COL25A1: variants seen among roughly 807,000 people sequenced by gnomAD.
The protein encoded by COL25A1 is collagen alpha-1(XXV) chain.
Under a neutral mutation model 128.4 loss-of-function variants are expected in COL25A1, and 103 were observed. The observed-to-expected ratio is 0.80, with a 90% CI of 0.68 to 0.94. The LOEUF (loss-of-function observed/expected upper bound fraction) is 0.94, where lower values mean the gene tolerates loss of function less well. Among genes scored for constraint, COL25A1 ranks in the 40% least tolerant of loss-of-function variants. The pLI is 0.00. For missense variants in COL25A1, 745 were observed against 840.0 expected (o/e 0.89, Z 1.40); for synonymous variants, 279 against 277.2 (o/e 1.01, Z -0.06).
At chr4:108,862,694 G>T in intron 21 of COL25A1, 149 bp from the exon 22 acceptor site, 1 of 665,304 alleles carries the variant, frequency 1.5e-6, no homozygotes, top group Non-Finnish European at 2.6e-6. Context: ...CAGAATGTCG[G>T]TTATTATAAT....
At chr4:109,071,342 C>T (rs900204888) in intron 3 of COL25A1, among the ~76,000 whole-genome samples, 1 of 152,086 alleles carries the variant, frequency 6.6e-6, no homozygotes, top group Non-Finnish European at 1.5e-5. Flanking sequence ...ACCATAAAAA[C>T]CCTAGAAGAA....
At chr4:109,206,454 T>C (rs1777005464) in intron 3 of COL25A1, among the ~76,000 whole-genome samples, 2 of 152,098 alleles carry the variant, frequency 1.3e-5, no homozygotes, top group African/African-American at 4.8e-5. Context: ...CCACCTTAAA[T>C]CCAAGAAGGT....
In COL25A1 at chr4:109,101,221, C is replaced by T. The variant is rs144760150; in HGVS notation, c.368-51042G>A. ...AGTAAAAAAGAACCACAAGACTCAA[C>T]GTGTTTCACCAAATACTGTGTGATT... On this transcript the variant is annotated intron_variant, in intron 3 of 37. Transcript: ENST00000399132. Among the ~76,000 whole-genome samples, 5 of 152,270 alleles carry T rather than the reference C, an allele frequency of 3.3e-5. No individual in the cohort carries two copies. The East Asian group carries it at 5.8e-4, about 18-fold the overall frequency.
At position 109,227,179 on chromosome 4, in the gene COL25A1, A is replaced by T. The variant is rs575962986; in HGVS notation, c.367+73404T>A. 2.4e-4 allele frequency among the ~76,000 whole-genome samples: 37 copies of T among 152,290 alleles called. 1 individual carries two copies. Among genetic ancestry groups the T allele is most frequent in the African/African-American group, 8.2e-4 (34 of 41,564 alleles). On this transcript the variant is annotated intron_variant, in intron 3 of 37. Coordinates refer to ENST00000399132, the MANE Select transcript of COL25A1 (RefSeq NM_198721.4). Reference sequence around the variant, plus strand: ...TTCTTCGTTTTTTGAGGAGGCTTCAATGTTTTTATATACAAATACAATTCT... The same window carrying T: ...TTCTTCGTTTTTTGAGGAGGCTTCATTGTTTTTATATACAAATACAATTCT...
At chr4:109,297,187 T>A (rs182489299) in intron 3 of COL25A1, among the ~76,000 whole-genome samples, 2 of 152,246 alleles carry the variant, frequency 1.3e-5, no homozygotes, top group East Asian at 3.9e-4. Context: ...TCTGACTGCA[T>A]GAAAGAAATA....
chr4:109,193,368 T>C (rs144627910), intron 3 of COL25A1, among the ~76,000 whole-genome samples: 14 of 152,218 alleles, frequency 9.2e-5, no homozygotes, highest in African/African-American at 3.4e-4. Context: ...TAATTGTTAG[T>C]GTGGGAATAC....
At chr4:109,147,362 G>A (rs1371616597) in intron 3 of COL25A1, among the ~76,000 whole-genome samples, 1 of 152,194 alleles carries the variant, frequency 6.6e-6, no homozygotes. Context: ...CTCACCATGA[G>A]CCTGTGCACA....
At chr4:108,814,667 G>T (rs979189744) in intron 37 of COL25A1, among the ~76,000 whole-genome samples, 1 of 152,198 alleles carries the variant, frequency 6.6e-6, no homozygotes, top group Non-Finnish European at 1.5e-5. Context: ...AGGTCTTTGA[G>T]ATATACACTT....
At chr4:109,169,934 A>G (rs1294306849) in intron 3 of COL25A1, among the ~76,000 whole-genome samples, 1 of 152,122 alleles carries the variant, frequency 6.6e-6, no homozygotes, top group Non-Finnish European at 1.5e-5. Flanking sequence ...TGAAAACTAT[A>G]TTAGTTCATA....
In COL25A1 at chr4:108,827,115, G is replaced by A. The variant is rs1294432994; in HGVS notation, c.1764+20C>T. On this transcript the variant is annotated intron_variant, in intron 33 of 37. Transcript: ENST00000399132. ...CTATGCATGCGGAAGGTGGGGAGGT[G>A]CATGTGACCAGGAACTCACAGGCAG... 6.2e-7 allele frequency: 1 copy of A among 1,611,288 alleles called. No individual in the cohort carries two copies. The highest frequency in any genetic ancestry group is 8.5e-7 in the Non-Finnish European group (1 of 1,177,796).
chr4:108,980,579 A>G (rs1291829188), intron 6 of COL25A1, among the ~76,000 whole-genome samples: 3 of 152,228 alleles, frequency 2.0e-5, no homozygotes, highest in Non-Finnish European at 4.4e-5. Flanking sequence ...GAAATAGCTG[A>G]GGAGAGAGAA....
At chr4:109,272,606 G>A (rs963299184) in intron 3 of COL25A1, among the ~76,000 whole-genome samples, 1 of 152,178 alleles carries the variant, frequency 6.6e-6, no homozygotes, top group Non-Finnish European at 1.5e-5. Flanking sequence ...TCAAATGGAA[G>A]TTAAGTATGT....
At chr4:108,965,204 T>C (rs1418109922) in intron 8 of COL25A1, among the ~76,000 whole-genome samples, 3 of 152,192 alleles carry the variant, frequency 2.0e-5, no homozygotes, top group African/African-American at 7.2e-5. Flanking sequence ...GTTATGAAAA[T>C]TTACTCGAAT....
At chr4:108,835,859 G>GTTTTTTTTTTTTTTTTT (rs1560721327) in intron 31 of COL25A1, among the ~76,000 whole-genome samples, 3 of 89,518 alleles carry the variant, frequency 3.4e-5, no homozygotes, top group Non-Finnish European at 6.3e-5. Context: ...GCTTACATAC[G>GTTTTTTTTTTTTTTTTT]TCTTTTTTTT....
chr4:109,022,564 T>C (rs1237403837), intron 5 of COL25A1, among the ~76,000 whole-genome samples: 1 of 152,148 alleles, frequency 6.6e-6, no homozygotes, highest in African/African-American at 2.4e-5. Context: ...ATCCTACATA[T>C]ATACAAATGT....
chr4:109,302,237 G>C lies in COL25A1; in HGVS notation c.-125C>G. The C allele has an allele frequency of 3.5e-6, 2 of 576,510 alleles. No individual in the cohort carries two copies. Among genetic ancestry groups the C allele is most frequent in the East Asian group, 3.0e-5 (1 of 32,956 alleles). The allele number at this position is 576,510 out of a possible 1,614,324, so 35.7% of individuals were successfully genotyped here. ...CCGCTTTCTTCTCTCCTCCCAGCTG[G>C]AAGTGAAAAGCACCCTCCGTCCGGG... On this transcript the variant is annotated 5_prime_UTR_variant, in exon 1 of 38. Transcript: ENST00000399132.
At chr4:109,008,373 G>A (rs1756240511) in intron 6 of COL25A1, among the ~76,000 whole-genome samples, 1 of 152,120 alleles carries the variant, frequency 6.6e-6, no homozygotes, top group East Asian at 1.9e-4. Context: ...GCAGAAACTT[G>A]CTAATTGAGG....
chr4:109,281,684 T>A (rs1288149746), intron 3 of COL25A1, among the ~76,000 whole-genome samples: 1 of 152,156 alleles, frequency 6.6e-6, no homozygotes, highest in Non-Finnish European at 1.5e-5. Flanking sequence ...ATATTTTATA[T>A]GCACAAAGCT....
At position 108,860,105 on chromosome 4, in the gene COL25A1, T is replaced by C. The variant is rs527444740; in HGVS notation, c.1243-372A>G. Among the ~76,000 whole-genome samples, 7 of 152,310 alleles carry C rather than the reference T, an allele frequency of 4.6e-5. No individual in the cohort carries two copies. In the South Asian group the frequency reaches 1.5e-3, roughly 32 times the overall value. On this transcript the variant is annotated intron_variant, in intron 23 of 37. Coordinates refer to ENST00000399132, the MANE Select transcript of COL25A1 (RefSeq NM_198721.4). ...CCTTTTGTTCCTCATCCATACCTCA[T>C]ACATTGCTTCCTCATTCTTTTTTTG... is the stretch of plus-strand genomic sequence containing the variant.
Sources: allele counts gnomAD v4.1 joint callset (sites outside exome capture counted in the v4.1 genomes callset), GRCh38; gene constraint gnomAD v4.1.1; transcripts MANE v1.5; gene names NCBI Gene and HGNC (gene_info 2026-07-23, HGNC 2026-07-21).